The following GDF6 variants were observed in gnomAD, a reference collection of about 807,000 sequenced individuals.
GDF6 encodes growth/differentiation factor 6.
Under a neutral mutation model 32.4 loss-of-function variants are expected in GDF6, and 3 were observed. The ratio of observed to expected loss-of-function variants is 0.09; its 90% CI spans 0.04 to 0.24. The LOEUF (loss-of-function observed/expected upper bound fraction) is 0.24, where lower values mean the gene tolerates loss of function less well. Among genes scored for constraint, GDF6 ranks in the 10% least tolerant of loss-of-function variants. The pLI is 1.00. For synonymous variants in GDF6, 296 were observed against 295.3 expected (o/e 1.00, Z -0.03); for missense variants, 589 against 637.9 (o/e 0.92, Z 0.83).
chr8:96,157,248 C>T (rs1432103569), intron 1 of GDF6, among the ~76,000 whole-genome samples: 1 of 152,062 alleles, frequency 6.6e-6, no homozygotes, highest in Non-Finnish European at 1.5e-5. Context: ...AGTTCTCCTC[C>T]TGGAGGATAG....
At position 96,145,503 on chromosome 8, in the gene GDF6, A is replaced by C. The variant is rs1812463179; in HGVS notation, c.428T>G (p.Leu143Arg). ...RGLDDLSHTP[L>R]RRQKYLFDVS... ...ATCAAACAAATACTTCTGTCTCCGG[A>C]GAGGAGTGTGCGAGAGATCGTCTGC... is the stretch of plus-strand genomic sequence containing the variant. Residue 143 changes from leucine (L) to arginine (R), a missense_variant, in exon 2 of 2, where the codon CTC (leucine) becomes CGC (arginine). Physicochemically the swap from Leu to Arg is moderately radical, Grantham distance 102 (BLOSUM62 -2). Transcript: ENST00000287020. This position sits in a 1 kb window ranked among gnomAD's most constrained non-coding sequence, Gnocchi z 5.6. 4 of 1,597,910 alleles carry C rather than the reference A, an allele frequency of 2.5e-6. No individual in the cohort carries two copies. The East Asian group carries it at 8.9e-5, about 36-fold the overall frequency.
At position 96,143,023 on chromosome 8, in the gene GDF6, A is replaced by G. The variant is rs748389933; in HGVS notation, c.*1540T>C. On this transcript the variant is annotated 3_prime_UTR_variant, in exon 2 of 2. Transcript: ENST00000287020. ...GCCTACTCATGGGCAATGTTTGAAA[A>G]CAATACTGGTGCAGGCTGGGGGAAA... The G allele has an allele frequency of 1.3e-5, 2 of 152,340 alleles. No individual in the cohort carries two copies. The highest frequency in any genetic ancestry group is 2.9e-5 in the Non-Finnish European group (2 of 68,028). 9.4% of individuals were successfully genotyped at this position (152,340 alleles called of 1,614,324 possible). A position where few individuals can be genotyped will look rare whatever the true frequency, so the allele number is the denominator to read the frequency against.
Position 96,142,619 on chromosome 8 carries a change from C to T in GDF6, c.*1944G>A, listed in dbSNP as rs750075973. 6.6e-6 allele frequency: 1 copy of T among 152,610 alleles called. No homozygotes were observed. Among genetic ancestry groups the T allele is most frequent in the Non-Finnish European group, 1.5e-5 (1 of 68,030 alleles). 9.5% of individuals were successfully genotyped at this position (152,610 alleles called of 1,614,324 possible). On this transcript the variant is annotated 3_prime_UTR_variant, in exon 2 of 2. Transcript: ENST00000287020. ...ACTTTAAAAATATTAGAAATTATAA[C>T]ATTTGAGTGCATATAACGTTTTGTA...
chr8:96,144,242 AATAGAGAG>A lies in GDF6; in HGVS notation c.*313_*320del, dbSNP rs1339322888. 2.8e-3 allele frequency: 534 copies of A among 190,096 alleles called. 3 individuals carry two copies. Among genetic ancestry groups the A allele is most frequent in the African/African-American group, 0.027 (470 of 17,478 alleles). The allele number at this position is 190,096 out of a possible 1,614,324, so 11.8% of individuals were successfully genotyped here. A position where few individuals can be genotyped will look rare whatever the true frequency, so the allele number is the denominator to read the frequency against. ...ACATAAGGAAATCCAAAGCCACAGT[AATAGAGAG>A]AGAGAGAGAGAGAGAGAGAGAGAGA... is the stretch of plus-strand genomic sequence containing the variant. On this transcript the variant is annotated 3_prime_UTR_variant, in exon 2 of 2. Coordinates refer to ENST00000287020, the MANE Select transcript of GDF6 (RefSeq NM_001001557.4). This position sits in a 1 kb window ranked among gnomAD's most constrained non-coding sequence, Gnocchi z 5.1.
intron 1 of GDF6, among the ~76,000 whole-genome samples, chr8:96,159,382 TC>T (rs1273708847): frequency 1.3e-5 from 2 of 152,058 alleles, no homozygotes; most frequent in East Asian, 3.9e-4. Context: ...ACGCTGCAGA[TC>T]AACGCCGGTG....
At chr8:96,155,253 C>A (rs184863982) in intron 1 of GDF6, among the ~76,000 whole-genome samples, 3 of 152,376 alleles carry the variant, frequency 2.0e-5, no homozygotes, top group Admixed American at 2.0e-4. Flanking sequence ...GCCAAGAATC[C>A]CTGCGCAACC....
At chr8:96,146,707 C>CACAG (rs367654279) in intron 1 of GDF6, among the ~76,000 whole-genome samples, 26 of 140,022 alleles carry the variant, frequency 1.9e-4, no homozygotes, top group African/African-American at 7.1e-4. Context: ...CACACACACA[C>CACAG]AGAGAGAGAG....
Position 96,144,719 on chromosome 8 carries a change from C to T in GDF6, c.1212G>A (p.Gln404=), listed in dbSNP as rs1197808121. The T allele has an allele frequency of 2.5e-6, 4 of 1,614,058 alleles. No individual in the cohort carries two copies. Among genetic ancestry groups the T allele is most frequent in the Non-Finnish European group, 3.4e-6 (4 of 1,180,022 alleles). Residue 404 remains glutamine, a synonymous_variant, in exon 2 of 2, where the codon CAG becomes CAA. Transcript: ENST00000287020. This position sits in a 1 kb window ranked among gnomAD's most constrained non-coding sequence, Gnocchi z 5.1. ...HLEPTNHAII[Q]TLMNSMDPGS... ...CGGGGTCCATGGAGTTCATCAGCGT[C>T]TGGATGATGGCGTGGTTGGTGGGCT...
In GDF6 at chr8:96,152,230, C is replaced by T. The variant is rs557524457; in HGVS notation, c.407-6706G>A. On this transcript the variant is annotated intron_variant, in intron 1 of 1. Transcript: ENST00000287020. The stretch of plus-strand genomic sequence containing the variant: ...AGGCTGCAGCCTCACCTCATCATCC[C>T]GATTCTTCTCAGTCCTGTGAGGCCC... 2.0e-5 allele frequency among the ~76,000 whole-genome samples: 3 copies of T among 152,294 alleles called. 1 individual carries two copies. The highest frequency in any genetic ancestry group is 7.2e-5 in the African/African-American group (3 of 41,564).
chr8:96,145,669 C>G lies in GDF6; in HGVS notation c.407-145G>C. On this transcript the variant is annotated intron_variant, in intron 1 of 1. Transcript: ENST00000287020. This position sits in a 1 kb window ranked among gnomAD's most constrained non-coding sequence, Gnocchi z 5.6. The stretch of plus-strand genomic sequence containing the variant: ...CTTGCCCGGCCCAGGGCCTGACCAC[C>G]CCGGCTCCCCATCTGGCTGGTGCAT... 1 of 923,222 alleles carries G rather than the reference C, an allele frequency of 1.1e-6. No homozygotes were observed. Among genetic ancestry groups the G allele is most frequent in the South Asian group, 1.5e-5 (1 of 67,054 alleles). 57.2% of individuals were successfully genotyped at this position (923,222 alleles called of 1,614,324 possible). A position where few individuals can be genotyped will look rare whatever the true frequency, so the allele number is the denominator to read the frequency against.
chr8:96,145,178 T>A lies in GDF6; in HGVS notation c.753A>T (p.Gly251=). 1 of 1,498,214 alleles carries A rather than the reference T, an allele frequency of 6.7e-7. No homozygotes were observed. Among genetic ancestry groups the A allele is most frequent in the Non-Finnish European group, 8.8e-7 (1 of 1,131,492 alleles). 92.8% of individuals were successfully genotyped at this position (1,498,214 alleles called of 1,614,324 possible). A position where few individuals can be genotyped will look rare whatever the true frequency, so the allele number is the denominator to read the frequency against. ...GGTCCGGGGGCGGCGGTTGCTGGGG[T>A]CCCCGCGCGCGCGCCTCGGCCTCCC... ...DAGEAEARAR[G]PQQPPPPDLR... is the part of the protein sequence containing the mutation. Residue 251 remains glycine, a synonymous_variant, in exon 2 of 2, where the codon GGA becomes GGT. Coordinates refer to ENST00000287020, the MANE Select transcript of GDF6 (RefSeq NM_001001557.4). This position sits in a 1 kb window ranked among gnomAD's most constrained non-coding sequence, Gnocchi z 5.6.
intron 1 of GDF6, among the ~76,000 whole-genome samples, chr8:96,154,318 C>T (rs942148524): frequency 2.6e-5 from 4 of 152,174 alleles, no homozygotes; most frequent in Non-Finnish European, 4.4e-5. Flanking sequence ...GCCCGCCGCC[C>T]GCCCCTTCCA....
Position 96,144,326 on chromosome 8 carries a change from T to C in GDF6, c.*237A>G, listed in dbSNP as rs1000814299. ...AAAAGAAATCCTCCTTGGCTTGTTT[T>C]TCCAGGGTGGCCAGGCAAGGTGTGA... is the stretch of plus-strand genomic sequence containing the variant. On this transcript the variant is annotated 3_prime_UTR_variant, in exon 2 of 2. Transcript: ENST00000287020. The surrounding 1 kb of genome is among the most constrained non-coding windows in gnomAD (Gnocchi z 5.1). The C allele has an allele frequency of 1.3e-5, 7 of 559,036 alleles. No homozygotes were observed. The highest frequency in any genetic ancestry group is 1.9e-5 in the Non-Finnish European group (6 of 312,494). 34.6% of individuals were successfully genotyped at this position (559,036 alleles called of 1,614,324 possible). A position where few individuals can be genotyped will look rare whatever the true frequency, so the allele number is the denominator to read the frequency against.
chr8:96,159,206 TCTTC>T (rs1251982666), intron 1 of GDF6, among the ~76,000 whole-genome samples: 3 of 152,240 alleles, frequency 2.0e-5, no homozygotes, highest in Non-Finnish European at 4.4e-5. Context: ...CCCGTCATTT[TCTTC>T]CTTCCTTCTC....
In GDF6 at chr8:96,144,289, A is replaced by AGAGAGAGAGAGAGAGAGAGAGAGG. The variant is rs1370445465; in HGVS notation, c.*273_*274insCCTCTCTCTCTCTCTCTCTCTCTC. 4.0e-6 allele frequency: 2 copies of AGAGAGAGAGAGAGAGAGAGAGAGG among 495,710 alleles called. No homozygotes were observed. The highest frequency in any genetic ancestry group is 4.8e-5 in the African/African-American group (2 of 42,090). The allele number at this position is 495,710 out of a possible 1,614,324, so 30.7% of individuals were successfully genotyped here. On this transcript the variant is annotated 3_prime_UTR_variant, in exon 2 of 2. Coordinates refer to ENST00000287020, the MANE Select transcript of GDF6 (RefSeq NM_001001557.4). The surrounding 1 kb of genome is among the most constrained non-coding windows in gnomAD (Gnocchi z 5.1). ...GAGAGAGAGAGAGAGAGAGAGAGAG[A>AGAGAGAGAGAGAGAGAGAGAGAGG]GAAAACAGAACAAAAGAAATCCTCC...
Position 96,145,085 on chromosome 8 carries a change from G to A in GDF6, c.846C>T (p.Thr282=). The A allele has an allele frequency of 2.0e-6, 3 of 1,519,564 alleles. No homozygotes were observed. In the African/African-American group the frequency reaches 4.3e-5, roughly 22 times the overall value. The allele number at this position is 1,519,564 out of a possible 1,614,324, so 94.1% of individuals were successfully genotyped here. ...PQERALLVVF[T]RSQRKNLFAE... ...CGAACAGGTTCTTGCGCTGGGATCT[G>A]GTGAATACCACCAGCAGGGCCCGCT... is the stretch of plus-strand genomic sequence containing the variant. Residue 282 remains threonine (T), a synonymous_variant, in exon 2 of 2, where the codon ACC becomes ACT. Transcript: ENST00000287020. The surrounding 1 kb of genome is among the most constrained non-coding windows in gnomAD (Gnocchi z 5.6).
Position 96,158,114 on chromosome 8 carries a change from G to A in GDF6, c.406+2173C>T, listed in dbSNP as rs150958607. Among the ~76,000 whole-genome samples the A allele has an allele frequency of 9.3e-4, 141 of 152,330 alleles. 1 individual carries two copies. The East Asian group carries it at 0.022, about 23-fold the overall frequency. On this transcript the variant is annotated intron_variant, in intron 1 of 1. Coordinates refer to ENST00000287020, the MANE Select transcript of GDF6 (RefSeq NM_001001557.4). ...CAGCGCCTTTGAAGATGCTGTCCGGGTGGTCATGCAGCGTCTCCTCCCGCT... is the reference window on the plus strand; with the variant it reads ...CAGCGCCTTTGAAGATGCTGTCCGGATGGTCATGCAGCGTCTCCTCCCGCT...
chr8:96,160,142 G>C (rs1812735614), intron 1 of GDF6, 145 bp downstream of exon 1: 1 of 891,842 alleles, frequency 1.1e-6, no homozygotes. Flanking sequence ...AAACTTACTC[G>C]AGCTTGAGAA....
chr8:96,152,953 C>G (rs777105128), intron 1 of GDF6, among the ~76,000 whole-genome samples: 1 of 152,126 alleles, frequency 6.6e-6, no homozygotes, highest in Admixed American at 6.5e-5. Flanking sequence ...CAGCAAGCTG[C>G]GGCTCAAGGT....
Sources: allele counts gnomAD v4.1 joint callset (sites outside exome capture counted in the v4.1 genomes callset), GRCh38; gene constraint gnomAD v4.1.1; non-coding constraint Gnocchi (gnomAD v3.1); transcripts MANE v1.5; gene names NCBI Gene and HGNC (gene_info 2026-07-23, HGNC 2026-07-21).